Variants in IGSF10 observed in about 807,000 individuals in gnomAD.
The protein encoded by IGSF10 is immunoglobulin superfamily member 10, also known as calvaria mechanical force protein 608.
Under a neutral mutation model 128.2 loss-of-function variants are expected in IGSF10, and 126 were observed. That is an observed-to-expected ratio of 0.98 (90% confidence interval 0.85 to 1.14). The LOEUF (loss-of-function observed/expected upper bound fraction) is 1.14. Ranked by LOEUF, IGSF10 falls within the 50% of genes most tolerant of loss-of-function variation. The pLI, the probability that IGSF10 is intolerant of heterozygous loss-of-function variation, is 0.00. For missense variants in IGSF10, 3,295 were observed against 3,149.8 expected (o/e 1.05, Z -1.10); for synonymous variants, 1,185 against 1,146.2 (o/e 1.03, Z -0.68).
the IGSF10 span, among the ~76,000 whole-genome samples, chr3:151,580,933 C>T: frequency 6.3e-4 from 95 of 151,546 alleles, no homozygotes; most frequent in African/African-American, 2.3e-3. Flanking sequence ...AATTCCAGAT[C>T]TGTTTTTTAT....
At chr3:151,541,939 G>A in the IGSF10 span, among the ~76,000 whole-genome samples, 1 of 152,158 alleles carries the variant, frequency 6.6e-6, no homozygotes, top group Admixed American at 6.6e-5. Context: ...CATGACCAAT[G>A]TTCTTAACAC....
chr3:151,480,073 A>T, the IGSF10 span, among the ~76,000 whole-genome samples: 2 of 152,192 alleles, frequency 1.3e-5, no homozygotes, highest in Non-Finnish European at 2.9e-5. Flanking sequence ...CTTTGATTTT[A>T]AAAATAATAG....
the IGSF10 span, among the ~76,000 whole-genome samples, chr3:151,480,500 G>A: frequency 1.3e-5 from 2 of 152,102 alleles, no homozygotes; most frequent in Non-Finnish European, 2.9e-5. Context: ...TGGAGCTGAC[G>A]CTGTGCACTG....
chr3:151,447,551 G>C lies in IGSF10; in HGVS notation c.2430C>G (p.Ala810=). ...TTGCTGGAAGGTTCAAAGCTTTAGT[G>C]GCCGGGACCATAAATTCCTCATGTA... ...LALHEEFMVP[A]TKALNLPART... Residue 810 remains alanine, a synonymous_variant, in exon 6 of 8, where the codon GCC becomes GCG. Transcript: ENST00000282466. The C allele has an allele frequency of 6.2e-7, 1 of 1,614,104 alleles. No homozygotes were observed. The highest frequency in any genetic ancestry group is 8.5e-7 in the Non-Finnish European group (1 of 1,180,006).
chr3:151,515,318 T>G, the IGSF10 span, among the ~76,000 whole-genome samples: 15 of 151,462 alleles, frequency 9.9e-5, no homozygotes, highest in East Asian at 3.9e-4. Flanking sequence ...GTCCTTTGTA[T>G]GGACATGGAT....
the IGSF10 span, among the ~76,000 whole-genome samples, chr3:151,553,238 A>G: frequency 6.6e-6 from 1 of 152,178 alleles, no homozygotes; most frequent in African/African-American, 2.4e-5. Context: ...ATTATCTTAA[A>G]TATTTTGTGA....
chr3:151,472,105 G>T, the IGSF10 span, among the ~76,000 whole-genome samples: 9 of 152,162 alleles, frequency 5.9e-5, no homozygotes, highest in African/African-American at 2.2e-4. Context: ...TACTGGTGGG[G>T]TGACTTCCAA....
downstream of IGSF10, chr3:151,435,120 C>T (rs1486307770): frequency 1.5e-5 from 2 of 135,386 alleles, no homozygotes; most frequent in East Asian, 4.3e-4. Context: ...TTAAGATGGT[C>T]ACAAGGTAAA....
At chr3:151,599,543 C>T in the IGSF10 span, among the ~76,000 whole-genome samples, 1 of 152,108 alleles carries the variant, frequency 6.6e-6, no homozygotes, top group Non-Finnish European at 1.5e-5. Flanking sequence ...CCATGGGCCA[C>T]ATTTGACTTT....
At chr3:151,470,503 T>C in the IGSF10 span, among the ~76,000 whole-genome samples, 1 of 152,198 alleles carries the variant, frequency 6.6e-6, no homozygotes, top group African/African-American at 2.4e-5. Context: ...AATAATGCTA[T>C]ACCAGAGCCT....
the IGSF10 span, among the ~76,000 whole-genome samples, chr3:151,518,781 T>C: frequency 6.6e-6 from 1 of 151,860 alleles, no homozygotes; most frequent in Non-Finnish European, 1.5e-5. Context: ...TCTATGAAAG[T>C]TGGGTATTGA....
upstream of IGSF10, among the ~76,000 whole-genome samples, chr3:151,464,081 T>C (rs1417188885): frequency 6.6e-6 from 1 of 152,228 alleles, no homozygotes; most frequent in Non-Finnish European, 1.5e-5. Flanking sequence ...CAGAAGTTAA[T>C]TGAGTGTATA....
Position 151,446,428 on chromosome 3 carries a change from TAGCACCTGAA to T in IGSF10, c.3543_3552del (p.Gly1183ProfsTer5). ...ATAATAGTCATTGGTGGCTTGGTGATAGCACCTGAAAGTGACGATGTAATCACTGAATCTC... is the reference window on the plus strand; with the variant it reads ...ATAATAGTCATTGGTGGCTTGGTGATAGTGACGATGTAATCACTGAATCTC... On this transcript the variant is annotated frameshift_variant, in exon 6 of 8. Coordinates refer to ENST00000282466, the MANE Select transcript of IGSF10 (RefSeq NM_178822.5). LOFTEE classifies it high-confidence loss of function. 6.2e-7 allele frequency: 1 copy of T among 1,614,100 alleles called. No homozygotes were observed. Among genetic ancestry groups the T allele is most frequent in the Admixed American group, 1.7e-5 (1 of 60,026 alleles).
At chr3:151,611,640 C>T in the IGSF10 span, among the ~76,000 whole-genome samples, 1 of 152,168 alleles carries the variant, frequency 6.6e-6, no homozygotes, top group African/African-American at 2.4e-5. Context: ...GCCAGAGAAA[C>T]TTTCCATCAG....
chr3:151,586,959 G>C, the IGSF10 span, among the ~76,000 whole-genome samples: 1 of 152,130 alleles, frequency 6.6e-6, no homozygotes, highest in Non-Finnish European at 1.5e-5. Flanking sequence ...TCTGACTTGA[G>C]CATGGGTTCA....
chr3:151,590,169 G>T, the IGSF10 span, among the ~76,000 whole-genome samples: 1 of 151,978 alleles, frequency 6.6e-6, no homozygotes, highest in Non-Finnish European at 1.5e-5. Context: ...CTCCCAAGTA[G>T]CTGTGACTAC....
chr3:151,616,370 G>A, the IGSF10 span, among the ~76,000 whole-genome samples: 5 of 152,260 alleles, frequency 3.3e-5, no homozygotes, highest in Admixed American at 3.3e-4. Context: ...GTAACTTAAT[G>A]TATAGAATTA....
chr3:151,588,453 G>A, the IGSF10 span, among the ~76,000 whole-genome samples: 16 of 152,076 alleles, frequency 1.1e-4, no homozygotes, highest in Non-Finnish European at 4.4e-5. Flanking sequence ...TTTCCCTATA[G>A]CAAAACTTCT....
chr3:151,487,085 C>T, the IGSF10 span, among the ~76,000 whole-genome samples: 2 of 151,350 alleles, frequency 1.3e-5, no homozygotes, highest in African/African-American at 4.9e-5. Flanking sequence ...GCCTGCTAGC[C>T]AGACTAATGA....
Sources: gnomAD v4.1 joint callset for allele counts (sites outside exome capture counted in the v4.1 genomes callset) on GRCh38, gnomAD v4.1.1 for gene constraint, MANE v1.5 for transcripts, NCBI Gene and HGNC (gene_info 2026-07-23, HGNC 2026-07-21) for gene names.